Variants in ST7L observed in about 807,000 individuals in gnomAD.
The protein encoded by ST7L is suppressor of tumorigenicity 7 protein-like.
ST7L carries 57 observed loss-of-function variants against 72.5 expected under a neutral mutation model. The observed-to-expected ratio is 0.79, with a 90% confidence interval of 0.64 to 0.98. The LOEUF is 0.98. Ranked by LOEUF, ST7L falls within the 50% of genes least tolerant of loss-of-function variation. The probability of loss-of-function intolerance (pLI) is 0.00; values close to 1 mark genes in which losing one functional copy is unlikely to be tolerated. For missense variants in ST7L, 576 were observed against 672.2 expected (o/e 0.86, Z 1.58); for synonymous variants, 221 against 240.9 (o/e 0.92, Z 0.77).
rs145369511 is a variant in ST7L at position 112,568,764 on chromosome 1, C to T, written c.1245+8222G>A. ...GTGACTCAAGCCTGTAATCCTAGCA[C>T]TTCGGGAAGCTGAGGCAGGAGGATC... On this transcript the variant is annotated intron_variant, in intron 11 of 14. Coordinates refer to ENST00000358039, the MANE Select transcript of ST7L (RefSeq NM_017744.5). Among the ~76,000 whole-genome samples, 163 of 149,126 alleles carry T rather than the reference C, an allele frequency of 1.1e-3. 1 individual carries two copies. The highest frequency in any genetic ancestry group is 1.6e-3 in the Non-Finnish European group (111 of 67,364).
intron 11 of ST7L, among the ~76,000 whole-genome samples, chr1:112,562,656 A>G (rs573555145): frequency 2.0e-5 from 3 of 152,312 alleles, no homozygotes; most frequent in African/African-American, 7.2e-5. Context: ...AGTGACAATG[A>G]ACATAATGAG....
At position 112,600,859 on chromosome 1, in the gene ST7L, A is replaced by C; in HGVS notation, c.452-11T>G. The C allele has an allele frequency of 6.2e-7, 1 of 1,603,420 alleles. No individual in the cohort carries two copies. Among genetic ancestry groups the C allele is most frequent in the Non-Finnish European group, 8.5e-7 (1 of 1,173,680 alleles). On this transcript the variant is annotated splice_polypyrimidine_tract_variant and intron_variant, in intron 3 of 14. Coordinates refer to ENST00000358039, the MANE Select transcript of ST7L (RefSeq NM_017744.5). ...TCCATACCTTACATTCTGAAAAACA[A>C]GGGAGAAAAAGGGGGAAAAAGAGAC...
downstream of ST7L, among the ~76,000 whole-genome samples, chr1:112,518,732 C>G (rs577968205): frequency 1.3e-5 from 2 of 152,180 alleles, no homozygotes; most frequent in East Asian, 3.9e-4. Context: ...AATGTGTGTT[C>G]GTTTTTCTCA....
chr1:112,519,439 C>A (rs1380448263), downstream of ST7L, among the ~76,000 whole-genome samples: 1 of 152,100 alleles, frequency 6.6e-6, no homozygotes, highest in East Asian at 1.9e-4. Context: ...TTCTTATTAA[C>A]CATGGAAAAG....
At chr1:112,561,764 G>A (rs1182721764) in intron 11 of ST7L, among the ~76,000 whole-genome samples, 3 of 151,936 alleles carry the variant, frequency 2.0e-5, no homozygotes, top group Non-Finnish European at 4.4e-5. Context: ...ACAGGCATGC[G>A]TTGCCCGGCC....
At chr1:112,562,680 G>A (rs1184512839) in intron 11 of ST7L, among the ~76,000 whole-genome samples, 1 of 152,112 alleles carries the variant, frequency 6.6e-6, no homozygotes, top group Non-Finnish European at 1.5e-5. Context: ...AGCAGAACTG[G>A]CAAAGAGTAA....
rs115059330 is a variant in ST7L, at chr1:112,558,898, A to G, written c.1246-2880T>C. Among the ~76,000 whole-genome samples the G allele has an allele frequency of 2.7e-3, 416 of 152,340 alleles. 1 individual carries two copies. Among genetic ancestry groups the G allele is most frequent in the African/African-American group, 9.5e-3 (393 of 41,582 alleles). Reference sequence around the variant, plus strand: ...TAGCTGACCTCTGACATGACTCCTTATGTTCTTTGCAAGCGCACTAAGAGC... The same window carrying G: ...TAGCTGACCTCTGACATGACTCCTTGTGTTCTTTGCAAGCGCACTAAGAGC... On this transcript the variant is annotated intron_variant, in intron 11 of 14. Transcript: ENST00000358039.
intron 12 of ST7L, among the ~76,000 whole-genome samples, chr1:112,552,459 C>T (rs1286999090): frequency 1.3e-5 from 2 of 152,110 alleles, no homozygotes; most frequent in African/African-American, 4.8e-5. Context: ...GGCTGGAGTA[C>T]AATGGTGCGA....
At chr1:112,530,496 C>T (rs1654204813) in intron 14 of ST7L, among the ~76,000 whole-genome samples, 1 of 152,164 alleles carries the variant, frequency 6.6e-6, no homozygotes, top group South Asian at 2.1e-4. Flanking sequence ...CTCACTGCAA[C>T]CTTCGCCTCC....
At chr1:112,579,041 T>C (rs181611570) in intron 9 of ST7L, among the ~76,000 whole-genome samples, 1 of 152,262 alleles carries the variant, frequency 6.6e-6, no homozygotes, top group Admixed American at 6.5e-5. Context: ...AAATTATGTC[T>C]ATGAAAGCCG....
chr1:112,582,707 TTTAA>T (rs1326919560), intron 7 of ST7L, among the ~76,000 whole-genome samples: 4 of 152,170 alleles, frequency 2.6e-5, no homozygotes, highest in South Asian at 4.1e-4. Flanking sequence ...AAAATACACA[TTTAA>T]TTATTTTTGC....
At chr1:112,529,227 T>G (rs1653971601) in intron 14 of ST7L, 1 of 152,216 alleles carries the variant, frequency 6.6e-6, no homozygotes, top group Admixed American at 6.5e-5. Context: ...TATTCTAGGT[T>G]TCTGCTTTAC....
intron 6 of ST7L, among the ~76,000 whole-genome samples, chr1:112,589,028 G>C (rs546544106): frequency 6.6e-6 from 1 of 152,158 alleles, no homozygotes; most frequent in African/African-American, 2.4e-5. Flanking sequence ...GCTTGCTGCT[G>C]AACCCCTATG....
intron 3 of ST7L, among the ~76,000 whole-genome samples, chr1:112,607,978 G>T (rs1668510697): frequency 6.6e-6 from 1 of 152,064 alleles, no homozygotes; most frequent in Non-Finnish European, 1.5e-5. Flanking sequence ...GTTATCCAGG[G>T]AGAAAAAAAT....
At chr1:112,540,995 T>A in intron 14 of ST7L, 2 of 574,412 alleles carry the variant, frequency 3.5e-6, no homozygotes, top group East Asian at 7.0e-5. Flanking sequence ...TATAGAAAAG[T>A]AAATAGTTGC....
At chr1:112,619,392 G>C (rs973919241), upstream of ST7L, 11 of 559,972 alleles carry the variant, frequency 2.0e-5, no homozygotes, top group African/African-American at 2.1e-4. Context: ...CGAAATGAGG[G>C]TCACCTTTCA....
At chr1:112,547,316 C>T (rs1217536838) in intron 13 of ST7L, among the ~76,000 whole-genome samples, 1 of 151,822 alleles carries the variant, frequency 6.6e-6, no homozygotes, top group East Asian at 1.9e-4. Context: ...CCTCAGCCTC[C>T]TGAGTAGCTG....
chr1:112,600,860 G>A lies in ST7L; in HGVS notation c.452-12C>T, dbSNP rs780080848. 3.9e-5 allele frequency: 62 copies of A among 1,602,500 alleles called. No individual in the cohort carries two copies. The Middle Eastern group carries it at 6.7e-4, about 17-fold the overall frequency. Reference sequence around the variant, plus strand: ...CCATACCTTACATTCTGAAAAACAAGGGAGAAAAAGGGGGAAAAAGAGACA... The same window carrying A: ...CCATACCTTACATTCTGAAAAACAAAGGAGAAAAAGGGGGAAAAAGAGACA... On this transcript the variant is annotated splice_polypyrimidine_tract_variant and intron_variant, in intron 3 of 14. Transcript: ENST00000358039.
At chr1:112,570,105 T>C (rs940710774) in intron 11 of ST7L, among the ~76,000 whole-genome samples, 2 of 152,018 alleles carry the variant, frequency 1.3e-5, no homozygotes, top group Non-Finnish European at 2.9e-5. Flanking sequence ...ACAATTCATA[T>C]AGTAGCTGAA....
Sources: allele counts gnomAD v4.1 joint callset (sites outside exome capture counted in the v4.1 genomes callset), GRCh38; gene constraint gnomAD v4.1.1; transcripts MANE v1.5; gene names NCBI Gene and HGNC (gene_info 2026-07-23, HGNC 2026-07-21).